Variants in CACNA2D3 observed in about 807,000 individuals in gnomAD.
CACNA2D3 encodes voltage-dependent calcium channel subunit alpha-2/delta-3.
Under a neutral mutation model 160.6 loss-of-function variants are expected in CACNA2D3, and 60 were observed. The observed-to-expected ratio is 0.37, with a 90% CI of 0.30 to 0.46. The LOEUF is 0.46. Among genes scored for constraint, CACNA2D3 ranks in the 20% least tolerant of loss-of-function variants. The probability of loss-of-function intolerance (pLI) is 1.00; values close to 1 mark genes in which losing one functional copy is unlikely to be tolerated. For synonymous variants in CACNA2D3, 558 were observed against 492.9 expected (o/e 1.13, Z -1.75); for missense variants, 1,205 against 1,365.0 (o/e 0.88, Z 1.85).
intron 10 of CACNA2D3, chr3:54,638,162 C>T (rs1414261929): frequency 1.3e-5 from 2 of 151,834 alleles, no homozygotes; most frequent in Admixed American, 6.5e-5. Context: ...TATTTAATGT[C>T]GGGAGCAGAT....
chr3:54,337,414 C>T (rs1704410141), intron 3 of CACNA2D3, among the ~76,000 whole-genome samples: 1 of 152,190 alleles, frequency 6.6e-6, no homozygotes, highest in Admixed American at 6.5e-5. Flanking sequence ...CTCCAGAGTC[C>T]AGATCCATCA....
chr3:54,497,740 G>A (rs1312577135), intron 4 of CACNA2D3, among the ~76,000 whole-genome samples: 6 of 151,730 alleles, frequency 4.0e-5, no homozygotes, highest in South Asian at 2.1e-4. Context: ...ATGTTTTTTT[G>A]TAAATCCTTT....
intron 17 of CACNA2D3, among the ~76,000 whole-genome samples, chr3:54,866,985 CACCAAAAACTACAA>C (rs540468097): frequency 1.7e-3 from 252 of 152,314 alleles, no homozygotes; most frequent in African/African-American, 5.8e-3. Flanking sequence ...GTAAAACAGG[CACCAAAAACTACAA>C]ACCTACCTGT....
At chr3:55,030,856 T>C (rs1703672120) in intron 35 of CACNA2D3, among the ~76,000 whole-genome samples, 1 of 152,174 alleles carries the variant, frequency 6.6e-6, no homozygotes, top group Non-Finnish European at 1.5e-5. Flanking sequence ...TTTGGAGGGT[T>C]TTAGTACAGG....
chr3:54,815,347 C>G (rs546497192), intron 13 of CACNA2D3, among the ~76,000 whole-genome samples: 1 of 152,246 alleles, frequency 6.6e-6, no homozygotes, highest in Non-Finnish European at 1.5e-5. Context: ...TCTCTGAGAT[C>G]CAAAACATCT....
At chr3:54,157,723 G>A (rs376325736) in intron 2 of CACNA2D3, among the ~76,000 whole-genome samples, 67 of 152,032 alleles carry the variant, frequency 4.4e-4, no homozygotes, top group African/African-American at 1.4e-3. Context: ...CCCGGGAGGC[G>A]GGGGTTGCAG....
At chr3:54,783,530 C>T (rs905932538) in intron 13 of CACNA2D3, among the ~76,000 whole-genome samples, 5 of 151,964 alleles carry the variant, frequency 3.3e-5, no homozygotes, top group Non-Finnish European at 5.9e-5. Flanking sequence ...CACTTGAACC[C>T]GGGAGGTGGA....
intron 12 of CACNA2D3, among the ~76,000 whole-genome samples, chr3:54,760,697 T>C (rs1188522370): frequency 6.6e-6 from 1 of 151,774 alleles, no homozygotes; most frequent in African/African-American, 2.4e-5. Flanking sequence ...TTTAGATAGA[T>C]TTTAGAGATA....
At chr3:54,563,863 A>G (rs959579486) in intron 6 of CACNA2D3, among the ~76,000 whole-genome samples, 1 of 152,210 alleles carries the variant, frequency 6.6e-6, no homozygotes, top group Admixed American at 6.5e-5. Context: ...CGCGCACAGC[A>G]TCTGACCCTC....
At chr3:54,761,450 G>C (rs979724305) in intron 12 of CACNA2D3, among the ~76,000 whole-genome samples, 1 of 152,202 alleles carries the variant, frequency 6.6e-6, no homozygotes, top group African/African-American at 2.4e-5. Context: ...ATCAAACGCT[G>C]ATTGCAGCCT....
chr3:54,304,791 T>G (rs1378732291), intron 2 of CACNA2D3, among the ~76,000 whole-genome samples: 1 of 152,204 alleles, frequency 6.6e-6, no homozygotes, highest in East Asian at 1.9e-4. Context: ...GTTTTATGTT[T>G]CCTAATTTAA....
intron 2 of CACNA2D3, among the ~76,000 whole-genome samples, chr3:54,306,493 A>G (rs956650279): frequency 3.3e-5 from 5 of 152,228 alleles, no homozygotes; most frequent in Admixed American, 2.0e-4. Flanking sequence ...GTGAGGAATC[A>G]AGTGCTTTTG....
At chr3:54,149,607 G>A (rs907166535) in intron 2 of CACNA2D3, among the ~76,000 whole-genome samples, 1 of 152,126 alleles carries the variant, frequency 6.6e-6, no homozygotes, top group Admixed American at 6.5e-5. Flanking sequence ...AGGAGACAGG[G>A]GACCCTCTGA....
intron 4 of CACNA2D3, among the ~76,000 whole-genome samples, chr3:54,406,176 CA>C (rs1300681550): frequency 2.6e-5 from 4 of 152,058 alleles, no homozygotes; most frequent in Non-Finnish European, 5.9e-5. Flanking sequence ...CTGTATGACC[CA>C]GAAATTGCTC....
chr3:54,959,997 A>G (rs115793763), intron 27 of CACNA2D3, among the ~76,000 whole-genome samples: 2,079 of 151,732 alleles, frequency 0.014, 59 homozygotes, highest in African/African-American at 0.047. Context: ...AGTAATTAGA[A>G]CCCAAATGGA....
At chr3:54,807,981 C>T in intron 13 of CACNA2D3, among the ~76,000 whole-genome samples, 1 of 143,480 alleles carries the variant, frequency 7.0e-6, no homozygotes, top group Non-Finnish European at 1.5e-5. Flanking sequence ...CGCATATTCT[C>T]ACTCATAGGT....
intron 13 of CACNA2D3, among the ~76,000 whole-genome samples, chr3:54,810,101 T>A (rs940632903): frequency 2.0e-5 from 3 of 151,830 alleles, no homozygotes; most frequent in Non-Finnish European, 4.4e-5. Context: ...GGAAGTGGGG[T>A]AGTCAGAGAA....
intron 9 of CACNA2D3, among the ~76,000 whole-genome samples, chr3:54,612,365 A>G (rs1310077094): frequency 1.3e-5 from 2 of 151,780 alleles, no homozygotes; most frequent in African/African-American, 4.8e-5. Flanking sequence ...TTTTTTTTAG[A>G]CTCATAATCA....
chr3:54,388,563 G>A (rs1699228116), intron 4 of CACNA2D3, among the ~76,000 whole-genome samples: 1 of 152,242 alleles, frequency 6.6e-6, no homozygotes, highest in African/African-American at 2.4e-5. Flanking sequence ...GGAAACATTG[G>A]AAGAGGAGTC....
Sources: gnomAD v4.1 joint callset for allele counts (sites outside exome capture counted in the v4.1 genomes callset) on GRCh38, gnomAD v4.1.1 for gene constraint, MANE v1.5 for transcripts, NCBI Gene and HGNC (gene_info 2026-07-23, HGNC 2026-07-21) for gene names.